ADAM2: variants seen among roughly 807,000 people sequenced by gnomAD.
ADAM2 encodes disintegrin and metalloproteinase domain-containing protein 2.
In ADAM2, 101 loss-of-function variants were observed where a neutral mutation model predicts 99.3. That is an observed-to-expected ratio of 1.02 (90% CI 0.87 to 1.20). The LOEUF (loss-of-function observed/expected upper bound fraction) is 1.20, where lower values mean the gene tolerates loss of function less well. ADAM2 is among the 50% of genes most tolerant of loss of function. The probability of loss-of-function intolerance (pLI) is 0.00; values close to 1 mark genes in which losing one functional copy is unlikely to be tolerated. For synonymous variants in ADAM2, 323 were observed against 287.6 expected (o/e 1.12, Z -1.25); for missense variants, 948 against 878.7 (o/e 1.08, Z -1.00).
intron 11 of ADAM2, among the ~76,000 whole-genome samples, chr8:39,775,516 A>T (rs151062125): frequency 7.2e-5 from 11 of 152,250 alleles, no homozygotes; most frequent in African/African-American, 2.6e-4. Flanking sequence ...AAATATGTGC[A>T]TGGGGCATGG....
chr8:39,746,473 C>T lies in ADAM2; in HGVS notation c.2173G>A (p.Glu725Lys), dbSNP rs200534841. The T allele has an allele frequency of 7.0e-5, 109 of 1,553,952 alleles. No homozygotes were observed. Among genetic ancestry groups the T allele is most frequent in the Non-Finnish European group, 9.4e-5 (108 of 1,154,050 alleles). The change falls in exon 19 of 21, where the codon GAG becomes AAG. Residue 725 changes from glutamate (E) to lysine (K), a missense_variant and splice_region_variant. Physicochemically the swap from Glu to Lys is moderately conservative, Grantham distance 56 (BLOSUM62 1). Transcript: ENST00000265708. Reference sequence around the variant, plus strand: ...ATCTTAAATATGAAATCAATATACTCATCGCTTGAATAGTCCTCAGTTCTC... The same window carrying T: ...ATCTTAAATATGAAATCAATATACTTATCGCTTGAATAGTCCTCAGTTCTC... ...KWRTEDYSSD[E>K]QPESESEPKG
chr8:39,781,445 C>T (rs756332509), intron 10 of ADAM2, among the ~76,000 whole-genome samples: 12 of 152,162 alleles, frequency 7.9e-5, no homozygotes, highest in Non-Finnish European at 1.6e-4. Flanking sequence ...AATGGCTTAT[C>T]TTTACTTGCA....
chr8:39,798,158 T>C (rs1563364956), intron 7 of ADAM2, among the ~76,000 whole-genome samples: 1 of 152,236 alleles, frequency 6.6e-6, no homozygotes, highest in Non-Finnish European at 1.5e-5. Flanking sequence ...CCATTCAGTA[T>C]GATATTGGCT....
chr8:39,801,850 A>G lies in ADAM2; in HGVS notation c.570+7560T>C, dbSNP rs527459867. Among the ~76,000 whole-genome samples, 276 of 152,316 alleles carry G rather than the reference A, an allele frequency of 1.8e-3. 1 individual carries two copies. The highest frequency in any genetic ancestry group is 3.5e-3 in the South Asian group (17 of 4,828). ...TGGGAACAAATCTTGGGAACAAGCC[A>G]TCCAGCCTTCCTGGTTCCAGCAGGG... On this transcript the variant is annotated intron_variant, in intron 7 of 20. Transcript: ENST00000265708.
rs144794589 is a variant in ADAM2 at position 39,798,015 on chromosome 8, T to C, written c.571-9275A>G. Reference sequence around the variant, plus strand: ...ACAACTTCACTTACTCTCTTTTTATTTGAATACACTTTATTTCTTTCTCTT... The same window carrying C: ...ACAACTTCACTTACTCTCTTTTTATCTGAATACACTTTATTTCTTTCTCTT... On this transcript the variant is annotated intron_variant, in intron 7 of 20. Coordinates refer to ENST00000265708, the MANE Select transcript of ADAM2 (RefSeq NM_001464.5). 4.9e-3 allele frequency among the ~76,000 whole-genome samples: 751 copies of C among 152,356 alleles called. 4 individuals are homozygous for C. Among genetic ancestry groups the C allele is most frequent in the African/African-American group, 0.017 (716 of 41,584 alleles).
Position 39,766,936 on chromosome 8 carries a change from A to T in ADAM2, c.1419T>A (p.Thr473=). 1 of 1,614,204 alleles carries T rather than the reference A, an allele frequency of 6.2e-7. No individual in the cohort carries two copies. Among genetic ancestry groups the T allele is most frequent in the Non-Finnish European group, 8.5e-7 (1 of 1,180,022 alleles). Residue 473 remains threonine, a synonymous_variant, in exon 14 of 21, where the codon ACT becomes ACA. Coordinates refer to ENST00000265708, the MANE Select transcript of ADAM2 (RefSeq NM_001464.5). ...ATTGATTCAGTCCACACGGATGCCC[A>T]GTCTGAACATAGTGGTTTTCTGGGC... ...ASCPENHYVQ[T]GHPCGLNQWI...
Position 39,748,362 on chromosome 8 carries a change from A to C in ADAM2, c.2014+950T>G, listed in dbSNP as rs1217918378. ...GTGTGTGCATGAATAGAAACAATTA[A>C]TTGCAGCCAATGGGAAGATAAGCTA... is the stretch of plus-strand genomic sequence containing the variant. On this transcript the variant is annotated intron_variant, in intron 18 of 20. Transcript: ENST00000265708. 7.2e-5 allele frequency among the ~76,000 whole-genome samples: 11 copies of C among 152,332 alleles called. No homozygotes were observed. The East Asian group carries it at 1.7e-3, about 24-fold the overall frequency.
At chr8:39,756,133 G>T (rs1802144183) in intron 15 of ADAM2, among the ~76,000 whole-genome samples, 1 of 152,038 alleles carries the variant, frequency 6.6e-6, no homozygotes, top group Non-Finnish European at 1.5e-5. Flanking sequence ...ACTAATAGTG[G>T]TTTTTGCCAC....
chr8:39,822,228 A>G (rs1805220397), intron 4 of ADAM2, among the ~76,000 whole-genome samples: 1 of 152,136 alleles, frequency 6.6e-6, no homozygotes, highest in East Asian at 1.9e-4. Flanking sequence ...TACTTTATAT[A>G]ATGAAGGTAA....
At chr8:39,761,599 A>G (rs577822948) in intron 14 of ADAM2, among the ~76,000 whole-genome samples, 3 of 152,202 alleles carry the variant, frequency 2.0e-5, no homozygotes, top group Non-Finnish European at 2.9e-5. Context: ...CTTTTTTCAC[A>G]TAATTGACTT....
intron 14 of ADAM2, among the ~76,000 whole-genome samples, chr8:39,761,985 G>A (rs927353926): frequency 4.6e-5 from 7 of 152,226 alleles, no homozygotes; most frequent in Non-Finnish European, 4.4e-5. Context: ...TTGGGAGGCT[G>A]AGGCAGGAGA....
intron 20 of ADAM2, among the ~76,000 whole-genome samples, chr8:39,744,287 T>C (rs2122989): frequency 0.21 from 31,933 of 152,024 alleles, 3,897 homozygotes; most frequent in African/African-American, 0.33. Context: ...TTCAAAATCA[T>C]TTATAACTTG....
chr8:39,816,289 C>A (rs1426666970), intron 6 of ADAM2, among the ~76,000 whole-genome samples: 1 of 151,888 alleles, frequency 6.6e-6, no homozygotes, highest in African/African-American at 2.4e-5. Flanking sequence ...AAGAGTGAAA[C>A]TACATCTCAA....
chr8:39,811,751 T>TG (rs1804706122), intron 6 of ADAM2, among the ~76,000 whole-genome samples: 1 of 152,140 alleles, frequency 6.6e-6, no homozygotes, highest in Non-Finnish European at 1.5e-5. Context: ...AAACTCTCAA[T>TG]AAACTAGGTA....
At position 39,788,589 on chromosome 8, in the gene ADAM2, T is replaced by A. The variant is rs537621588; in HGVS notation, c.642+80A>T. The A allele has an allele frequency of 1.8e-5, 17 of 953,778 alleles. No homozygotes were observed. In the African/African-American group the frequency reaches 2.6e-4, roughly 14 times the overall value. The allele number at this position is 953,778 out of a possible 1,614,324, so 59.1% of individuals were successfully genotyped here. On this transcript the variant is annotated intron_variant, in intron 8 of 20. Coordinates refer to ENST00000265708, the MANE Select transcript of ADAM2 (RefSeq NM_001464.5). Reference sequence around the variant, plus strand: ...TCCCTTATGCCACACAACGTGTGGATTCATGTAGTGTCATAATGAGGTGTA... The same window carrying A: ...TCCCTTATGCCACACAACGTGTGGAATCATGTAGTGTCATAATGAGGTGTA...
At chr8:39,758,494 T>C (rs1165756534) in intron 15 of ADAM2, among the ~76,000 whole-genome samples, 2 of 151,926 alleles carry the variant, frequency 1.3e-5, no homozygotes, top group Non-Finnish European at 2.9e-5. Flanking sequence ...ATTTGCACTA[T>C]TATTCTAACT....
rs1435074899 is a variant in ADAM2, at chr8:39,761,295, G to A, written c.1508-14C>T. ...CAAACTCTACTTCTGAAAATAAAAA[G>A]GTGAGGTTAGTCATATTAAACTTAT... On this transcript the variant is annotated splice_polypyrimidine_tract_variant and intron_variant, in intron 14 of 20. Coordinates refer to ENST00000265708, the MANE Select transcript of ADAM2 (RefSeq NM_001464.5). 2.7e-6 allele frequency: 4 copies of A among 1,492,112 alleles called. No homozygotes were observed. The highest frequency in any genetic ancestry group is 3.7e-6 in the Non-Finnish European group (4 of 1,087,888). The allele number at this position is 1,492,112 out of a possible 1,614,324, so 92.4% of individuals were successfully genotyped here.
At chr8:39,799,369 GGGTTCTAATTTGATGGCACTGT>G (rs1311472858) in intron 7 of ADAM2, among the ~76,000 whole-genome samples, 12 of 152,256 alleles carry the variant, frequency 7.9e-5, no homozygotes, top group African/African-American at 2.9e-4. Flanking sequence ...TCTTAATCCT[GGGTTCTAATTTGATGGCACTGT>G]GGTCTGAGAA....
chr8:39,803,618 A>G (rs576194552), intron 7 of ADAM2, among the ~76,000 whole-genome samples: 1 of 152,334 alleles, frequency 6.6e-6, no homozygotes, highest in Admixed American at 6.5e-5. Flanking sequence ...TGCCTCGTTC[A>G]TTAATTGCTG....
Sources: allele counts gnomAD v4.1 joint callset (sites outside exome capture counted in the v4.1 genomes callset), GRCh38; gene constraint gnomAD v4.1.1; transcripts MANE v1.5; gene names NCBI Gene and HGNC (gene_info 2026-07-23, HGNC 2026-07-21).